MAD1L1: variants seen among roughly 807,000 people sequenced by gnomAD.
The protein encoded by MAD1L1 is mitotic spindle assembly checkpoint protein MAD1.
Under a neutral mutation model 96.9 loss-of-function variants are expected in MAD1L1, and 95 were observed. The ratio of observed to expected loss-of-function variants is 0.98; its 90% CI spans 0.83 to 1.16. MAD1L1 has a LOEUF of 1.16. Among genes scored for constraint, MAD1L1 ranks in the 50% most tolerant of loss-of-function variants. The pLI is 0.00. For missense variants in MAD1L1, 1,007 were observed against 954.4 expected (o/e 1.06, Z -0.73); for synonymous variants, 473 against 396.6 (o/e 1.19, Z -2.29).
chr7:2,115,155 T>C (rs1202852755), intron 11 of MAD1L1, among the ~76,000 whole-genome samples: 3 of 152,188 alleles, frequency 2.0e-5, no homozygotes, highest in Non-Finnish European at 4.4e-5. Flanking sequence ...CAGGAGGACA[T>C]GAGGCCACGT....
intron 15 of MAD1L1, among the ~76,000 whole-genome samples, chr7:1,958,483 A>G (rs1026263317): frequency 1.3e-5 from 2 of 152,236 alleles, no homozygotes; most frequent in Non-Finnish European, 2.9e-5. Flanking sequence ...AGGGACAGCT[A>G]TTCCAGCCTG....
intron 12 of MAD1L1, among the ~76,000 whole-genome samples, chr7:2,026,156 T>C (rs1158573327): frequency 1.3e-5 from 2 of 152,200 alleles, no homozygotes; most frequent in Admixed American, 6.5e-5. Flanking sequence ...TATTAAACAC[T>C]GGAAGCTGAC....
intron 18 of MAD1L1, among the ~76,000 whole-genome samples, chr7:1,872,338 C>G (rs972203348): frequency 4.6e-5 from 7 of 152,188 alleles, no homozygotes; most frequent in Non-Finnish European, 8.8e-5. Flanking sequence ...GCCCTGAGCC[C>G]CAGGAAGTGA....
In MAD1L1 at chr7:1,936,901, CA is replaced by C; in HGVS notation, c.1597-5del. The C allele has an allele frequency of 6.3e-7, 1 of 1,583,420 alleles. No homozygotes were observed. Among genetic ancestry groups the C allele is most frequent in the Non-Finnish European group, 8.6e-7 (1 of 1,162,814 alleles). ...TCCTGCTCTGGTCATAGTCACCCTGCAGGAACACACACAGCACAGGTCACCA... is the reference window on the plus strand; with the variant it reads ...TCCTGCTCTGGTCATAGTCACCCTGCGGAACACACACAGCACAGGTCACCA... On this transcript the variant is annotated splice_polypyrimidine_tract_variant and splice_region_variant and intron_variant, in intron 16 of 18. Transcript: ENST00000265854.
intron 16 of MAD1L1, among the ~76,000 whole-genome samples, chr7:1,955,410 C>T (rs1779682888): frequency 6.6e-6 from 1 of 152,218 alleles, no homozygotes; most frequent in East Asian, 1.9e-4. Context: ...CCTGCCTCAG[C>T]CTCCTGAGTA....
intron 10 of MAD1L1, among the ~76,000 whole-genome samples, chr7:2,178,428 C>T (rs1471616810): frequency 4.6e-5 from 7 of 152,178 alleles, no homozygotes; most frequent in Non-Finnish European, 1.0e-4. Context: ...GATGGCGGTG[C>T]ACATGCAGCC....
At chr7:1,887,975 G>A (rs1786236277) in intron 18 of MAD1L1, among the ~76,000 whole-genome samples, 2 of 84,260 alleles carry the variant, frequency 2.4e-5, no homozygotes, top group South Asian at 8.7e-4. Flanking sequence ...GCCTATGCAT[G>A]TGTGTGTGCA....
chr7:2,162,002 G>A (rs1249894079), intron 10 of MAD1L1, among the ~76,000 whole-genome samples: 2 of 146,542 alleles, frequency 1.4e-5, no homozygotes, highest in Non-Finnish European at 3.0e-5. Flanking sequence ...TCCGGGAGGT[G>A]GGGGGCGGCC....
chr7:1,863,422 C>A (rs115521219), intron 18 of MAD1L1, among the ~76,000 whole-genome samples: 6 of 152,234 alleles, frequency 3.9e-5, no homozygotes, highest in East Asian at 1.9e-4. Flanking sequence ...GGAGACCTCG[C>A]GGTCCACTGA....
At chr7:2,061,667 C>T (rs533143694) in intron 12 of MAD1L1, among the ~76,000 whole-genome samples, 23 of 152,358 alleles carry the variant, frequency 1.5e-4, no homozygotes, top group Admixed American at 2.6e-4. Flanking sequence ...GCATGCCCAG[C>T]GCAAGGGCAC....
intron 17 of MAD1L1, among the ~76,000 whole-genome samples, chr7:1,922,494 T>C (rs1219379643): frequency 1.3e-5 from 2 of 152,216 alleles, no homozygotes; most frequent in African/African-American, 2.4e-5. Context: ...CTCAGCAAGG[T>C]TGCAGGATAC....
intron 10 of MAD1L1, among the ~76,000 whole-genome samples, chr7:2,161,962 G>GTCCGGGAGGTGGGGGGCGGCCCCCGCCCA (rs1177344782): frequency 4.1e-5 from 6 of 146,508 alleles, no homozygotes; most frequent in Middle Eastern, 3.6e-3. Flanking sequence ...CAGCCACCCC[G>GTCCGGGAGGTGGGGGGCGGCCCCCGCCCA]TCCGGGAGGT....
At chr7:2,163,351 G>A (rs1790258875) in intron 10 of MAD1L1, among the ~76,000 whole-genome samples, 1 of 152,106 alleles carries the variant, frequency 6.6e-6, no homozygotes, top group Non-Finnish European at 1.5e-5. Context: ...TTGAGAATGG[G>A]CACACAGGCG....
intron 17 of MAD1L1, among the ~76,000 whole-genome samples, chr7:1,928,125 C>G (rs1789195818): frequency 6.6e-6 from 1 of 151,542 alleles, no homozygotes; most frequent in Admixed American, 6.6e-5. Context: ...TGCTGCTCCC[C>G]ACGACCCGCC....
chr7:1,916,974 C>T lies in MAD1L1; in HGVS notation c.1808-18584G>A, dbSNP rs566815660. Among the ~76,000 whole-genome samples the T allele has an allele frequency of 4.6e-5, 7 of 152,238 alleles. 1 individual carries two copies. The highest frequency in any genetic ancestry group is 2.6e-4 in the Admixed American group (4 of 15,306). On this transcript the variant is annotated intron_variant, in intron 17 of 18. Coordinates refer to ENST00000265854, the MANE Select transcript of MAD1L1 (RefSeq NM_001013836.2). ...CCGAGGCTGGGGCTGGCAGAGGACA[C>T]GGCTTCTCCAGTGTCCTCCAGTCAT...
intron 16 of MAD1L1, among the ~76,000 whole-genome samples, chr7:1,951,638 G>C (rs1337393378): frequency 1.3e-5 from 2 of 152,246 alleles, no homozygotes; most frequent in Admixed American, 1.3e-4. Context: ...TCCACCTCCT[G>C]TCTATGGATC....
intron 11 of MAD1L1, among the ~76,000 whole-genome samples, chr7:2,098,894 G>C (rs1382350169): frequency 6.6e-6 from 1 of 152,246 alleles, no homozygotes; most frequent in Non-Finnish European, 1.5e-5. Context: ...GGTCAGAAAA[G>C]ACGCTACTCG....
chr7:1,913,172 G>A (rs1051011421), intron 17 of MAD1L1, among the ~76,000 whole-genome samples: 16 of 152,242 alleles, frequency 1.1e-4, no homozygotes, highest in East Asian at 1.9e-4. Context: ...GCGAGGCCTC[G>A]GATTCCTATG....
intron 18 of MAD1L1, among the ~76,000 whole-genome samples, chr7:1,854,866 G>T (rs917116366): frequency 6.6e-6 from 1 of 152,252 alleles, no homozygotes; most frequent in Non-Finnish European, 1.5e-5. Context: ...AGGCAAGAGG[G>T]AGGGTGCCAG....
Sources: allele counts gnomAD v4.1 joint callset (sites outside exome capture counted in the v4.1 genomes callset), GRCh38; gene constraint gnomAD v4.1.1; transcripts MANE v1.5; gene names NCBI Gene and HGNC (gene_info 2026-07-23, HGNC 2026-07-21).